Variants in SGIP1 observed in about 807,000 individuals in gnomAD.
The protein encoded by SGIP1 is SH3GL interacting endocytic adaptor 1, also known as SH3-containing GRB2-like protein 3-interacting protein 1.
SGIP1 carries 38 observed loss-of-function variants against 107.5 expected under a neutral mutation model. The observed-to-expected ratio is 0.35, with a 90% CI of 0.27 to 0.46. SGIP1 has a LOEUF of 0.46. SGIP1 is among the 20% of genes least tolerant of loss of function. The pLI is 1.00. For synonymous variants in SGIP1, 365 were observed against 366.1 expected, an observed-to-expected ratio of 1.00 and a Z score of 0.03; for missense variants, 929 against 1,019.5, an observed-to-expected ratio of 0.91 and a Z score of 1.21.
In SGIP1 at chr1:66,604,999, T is replaced by C. The variant is rs367948248; in HGVS notation, c.11-20848T>C. On this transcript the variant is annotated intron_variant, in intron 1 of 24. Transcript: ENST00000371037. ...AGTCACCATGTTCTCTAAACTGGTC[T>C]CCTTATGTCTAGTCTTTGCTCTTCA... Among the ~76,000 whole-genome samples, 8 of 152,326 alleles carry C rather than the reference T, an allele frequency of 5.3e-5. No homozygotes were observed. In the East Asian group the frequency reaches 1.2e-3, roughly 22 times the overall value.
At chr1:66,604,523 A>G (rs1306310047) in intron 1 of SGIP1, among the ~76,000 whole-genome samples, 1 of 152,212 alleles carries the variant, frequency 6.6e-6, no homozygotes, top group Non-Finnish European at 1.5e-5. Flanking sequence ...CTTCAATCTG[A>G]ACCCTCACTC....
chr1:66,647,108 G>A (rs2077797557), intron 7 of SGIP1, among the ~76,000 whole-genome samples: 1 of 152,108 alleles, frequency 6.6e-6, no homozygotes, highest in Non-Finnish European at 1.5e-5. Context: ...AATATAGGTG[G>A]TTTCTTTCTC....
intron 8 of SGIP1, among the ~76,000 whole-genome samples, chr1:66,667,186 C>T (rs547411383): frequency 1.3e-5 from 2 of 152,084 alleles, no homozygotes; most frequent in African/African-American, 2.4e-5. Flanking sequence ...AGTACCCCCC[C>T]CCAAACTATC....
intron 1 of SGIP1, among the ~76,000 whole-genome samples, chr1:66,560,215 G>A (rs961400210): frequency 1.3e-5 from 2 of 151,906 alleles, no homozygotes; most frequent in African/African-American, 2.4e-5. Context: ...AACCTTTACC[G>A]CAGCTTTCTA....
At chr1:66,637,101 C>T (rs551056441) in intron 4 of SGIP1, among the ~76,000 whole-genome samples, 38 of 152,048 alleles carry the variant, frequency 2.5e-4, no homozygotes, top group Admixed American at 1.1e-3. Flanking sequence ...AGAGAAAAAT[C>T]GTTGTTTATA....
Position 66,633,180 on chromosome 1 carries a change from T to C in SGIP1, c.99+86T>C. The C allele has an allele frequency of 4.5e-6, 4 of 894,698 alleles. 1 individual carries two copies. The highest frequency in any genetic ancestry group is 2.9e-5 in the South Asian group (2 of 68,624). 55.4% of individuals were successfully genotyped at this position (894,698 alleles called of 1,614,324 possible). A position where few individuals can be genotyped will look rare whatever the true frequency, so the allele number is the denominator to read the frequency against. ...TTCTCAAAGCCCTTTTTTTTTCCTG[T>C]AGGGAAAAAAATAGCTTGAATGACT... is the stretch of plus-strand genomic sequence containing the variant. On this transcript the variant is annotated intron_variant, in intron 3 of 24. Transcript: ENST00000371037.
chr1:66,692,530 T>A (rs761864979), intron 17 of SGIP1, among the ~76,000 whole-genome samples: 5 of 152,198 alleles, frequency 3.3e-5, no homozygotes, highest in Admixed American at 1.3e-4. Context: ...GTCCCCAGAC[T>A]TCCTGTGCAC....
At chr1:66,553,126 G>T (rs1354077720) in intron 1 of SGIP1, among the ~76,000 whole-genome samples, 1 of 152,130 alleles carries the variant, frequency 6.6e-6, no homozygotes, top group Non-Finnish European at 1.5e-5. Flanking sequence ...GTTGAACTGG[G>T]TCTTGCAGTC....
chr1:66,727,452 T>C (rs2093807556), intron 19 of SGIP1, among the ~76,000 whole-genome samples: 2 of 152,240 alleles, frequency 1.3e-5, no homozygotes, highest in South Asian at 4.1e-4. Flanking sequence ...ACAGCTGTAT[T>C]TTCCACTTTA....
rs2086194550 is a variant in SGIP1 at position 66,679,560 on chromosome 1, C to T, written c.740-118C>T. On this transcript the variant is annotated intron_variant, in intron 13 of 24. Coordinates refer to ENST00000371037, the MANE Select transcript of SGIP1 (RefSeq NM_032291.4). ...CTTCAAAGAAGTAGACCATTAATTGCTATTCCATTTCCAATAGCAGGAATA... is the reference window on the plus strand; with the variant it reads ...CTTCAAAGAAGTAGACCATTAATTGTTATTCCATTTCCAATAGCAGGAATA... The T allele has an allele frequency of 5.8e-6, 6 of 1,038,460 alleles. No individual in the cohort carries two copies. In the East Asian group the frequency reaches 1.4e-4, roughly 24 times the overall value. The allele number at this position is 1,038,460 out of a possible 1,614,324, so 64.3% of individuals were successfully genotyped here.
At chr1:66,715,416 T>C (rs974670524) in intron 18 of SGIP1, among the ~76,000 whole-genome samples, 2 of 151,846 alleles carry the variant, frequency 1.3e-5, no homozygotes, top group African/African-American at 4.8e-5. Context: ...TGGTCAGTTC[T>C]ACAATAAGGA....
chr1:66,570,709 C>G (rs1407953505), intron 1 of SGIP1, among the ~76,000 whole-genome samples: 1 of 151,884 alleles, frequency 6.6e-6, no homozygotes, highest in Non-Finnish European at 1.5e-5. Context: ...ATATGTAGTT[C>G]CCTACTGTCA....
rs2093399830 is a variant in SGIP1, at chr1:66,719,173, A to G, written c.1631-121A>G. The stretch of plus-strand genomic sequence containing the variant: ...AATATACAGAGTTACGGTTCTTAGC[A>G]CATTTTGTTTTACATTAAGGGGTAG... On this transcript the variant is annotated intron_variant, in intron 18 of 24. Coordinates refer to ENST00000371037, the MANE Select transcript of SGIP1 (RefSeq NM_032291.4). The G allele has an allele frequency of 5.1e-6, 3 of 591,784 alleles. No homozygotes were observed. In the South Asian group the frequency reaches 8.0e-5, roughly 16 times the overall value. 36.7% of individuals were successfully genotyped at this position (591,784 alleles called of 1,614,324 possible).
chr1:66,599,037 G>A (rs1353381301), intron 1 of SGIP1, among the ~76,000 whole-genome samples: 1 of 152,096 alleles, frequency 6.6e-6, no homozygotes, highest in Non-Finnish European at 1.5e-5. Flanking sequence ...GGCTCAGCAA[G>A]CAACATACCC....
intron 7 of SGIP1, among the ~76,000 whole-genome samples, chr1:66,650,391 G>C (rs140268757): frequency 1.4e-4 from 21 of 152,210 alleles, no homozygotes; most frequent in Middle Eastern, 3.4e-3. Context: ...CAAAATATAT[G>C]TTGAGCACCT....
At chr1:66,651,028 A>C (rs2078653206) in intron 7 of SGIP1, among the ~76,000 whole-genome samples, 1 of 152,200 alleles carries the variant, frequency 6.6e-6, no homozygotes, top group African/African-American at 2.4e-5. Flanking sequence ...AAGGTTAATA[A>C]TACTGCCCAC....
chr1:66,719,919 G>C (rs1324341662), intron 19 of SGIP1, among the ~76,000 whole-genome samples: 11 of 151,658 alleles, frequency 7.3e-5, no homozygotes, highest in Non-Finnish European at 1.6e-4. Flanking sequence ...TACTAAATAA[G>C]GAAAAACTGG....
intron 1 of SGIP1, among the ~76,000 whole-genome samples, chr1:66,569,584 A>G (rs569654453): frequency 9.9e-5 from 15 of 151,912 alleles, no homozygotes; most frequent in African/African-American, 3.1e-4. Context: ...AGCATTGCCA[A>G]CCTGGTGTAA....
At chr1:66,730,852 C>T (rs929775849) in intron 20 of SGIP1, among the ~76,000 whole-genome samples, 1 of 152,080 alleles carries the variant, frequency 6.6e-6, no homozygotes, top group Admixed American at 6.6e-5. Context: ...CTTGTTTCCC[C>T]TGCCTCGAAT....
Sources: gnomAD v4.1 joint callset for allele counts (sites outside exome capture counted in the v4.1 genomes callset) on GRCh38, gnomAD v4.1.1 for gene constraint, MANE v1.5 for transcripts, NCBI Gene and HGNC (gene_info 2026-07-23, HGNC 2026-07-21) for gene names.